ABCB11: variants seen among roughly 807,000 people sequenced by gnomAD.
The protein encoded by ABCB11 is bile salt export pump.
Under a neutral mutation model 148.0 loss-of-function variants are expected in ABCB11, and 95 were observed. The ratio of observed to expected loss-of-function variants is 0.64; its 90% CI spans 0.54 to 0.76. The LOEUF is 0.76. Ranked by LOEUF, ABCB11 falls within the 30% of genes least tolerant of loss-of-function variation. The pLI is 0.00. For missense variants in ABCB11, 1,523 were observed against 1,617.8 expected, an observed-to-expected ratio of 0.94 and a Z score of 1.01; for synonymous variants, 591 against 555.4, an observed-to-expected ratio of 1.06 and a Z score of -0.90.
chr2:168,990,473 T>C (rs915393896), intron 9 of ABCB11, among the ~76,000 whole-genome samples: 1 of 152,124 alleles, frequency 6.6e-6, no homozygotes, highest in Non-Finnish European at 1.5e-5. Context: ...GGCTTTTCTT[T>C]AATGACAGCA....
intron 11 of ABCB11, among the ~76,000 whole-genome samples, chr2:168,978,258 A>G (rs945415029): frequency 6.9e-6 from 1 of 144,748 alleles, no homozygotes; most frequent in Admixed American, 7.3e-5. Flanking sequence ...CCATCCTCCC[A>G]TATCAGCCTC....
intron 19 of ABCB11, among the ~76,000 whole-genome samples, chr2:168,947,122 C>G (rs1692357485): frequency 6.6e-6 from 1 of 151,770 alleles, no homozygotes; most frequent in Non-Finnish European, 1.5e-5. Flanking sequence ...AAGGAGAAAA[C>G]TAACATTCAT....
Position 168,973,747 on chromosome 2 carries a change from T to G in ABCB11, c.1402A>C (p.Ile468Leu), listed in dbSNP as rs752318046. The G allele has an allele frequency of 1.1e-5, 17 of 1,612,104 alleles. No homozygotes were observed. In the Admixed American group the frequency reaches 2.2e-4, roughly 21 times the overall value. Residue 468 changes from isoleucine to leucine, a missense_variant, in exon 13 of 28, where the codon ATT (isoleucine) becomes CTT (leucine). Transcript: ENST00000650372. ...TCACAGGGGTCATAGAATCGCTGAATGAGTTGCAGTGCTGTACTTTTTCCA... is the reference window on the plus strand; with the variant it reads ...TCACAGGGGTCATAGAATCGCTGAAGGAGTTGCAGTGCTGTACTTTTTCCA... ...GAGKSTALQLIQRFYDPCEGM... is the reference protein window; with the variant it reads ...GAGKSTALQLLQRFYDPCEGM...
intron 1 of ABCB11, among the ~76,000 whole-genome samples, chr2:169,025,717 T>C (rs1256057885): frequency 1.3e-5 from 2 of 152,224 alleles, no homozygotes; most frequent in African/African-American, 2.4e-5. Flanking sequence ...AAAAGTTACA[T>C]TCTAAAAGGC....
At chr2:168,976,362 C>G (rs948260004) in intron 12 of ABCB11, among the ~76,000 whole-genome samples, 1 of 152,062 alleles carries the variant, frequency 6.6e-6, no homozygotes, top group Non-Finnish European at 1.5e-5. Context: ...AGACTGTGTC[C>G]CAACCAGGGG....
chr2:169,021,802 G>A (rs1228632331), intron 1 of ABCB11, among the ~76,000 whole-genome samples: 1 of 151,862 alleles, frequency 6.6e-6, no homozygotes, highest in Non-Finnish European at 1.5e-5. Flanking sequence ...CATTACTATG[G>A]AACCTGCAAC....
In ABCB11 at chr2:169,018,200, T is replaced by A. The variant is rs1310945196; in HGVS notation, c.-27-48A>T. 14 of 1,522,298 alleles carry A rather than the reference T, an allele frequency of 9.2e-6. 1 individual carries two copies. The highest frequency in any genetic ancestry group is 5.5e-5 in the African/African-American group (4 of 72,458). The allele number at this position is 1,522,298 out of a possible 1,614,324, so 94.3% of individuals were successfully genotyped here. On this transcript the variant is annotated intron_variant, in intron 1 of 27. Transcript: ENST00000650372. Reference sequence around the variant, plus strand: ...CATTGCAATTATTATCTCTTCTTTCTTCTTTAATCAAAGTAGCCAAACGAA... The same window carrying A: ...CATTGCAATTATTATCTCTTCTTTCATCTTTAATCAAAGTAGCCAAACGAA...
At chr2:169,001,131 A>G (rs1394032406) in intron 5 of ABCB11, among the ~76,000 whole-genome samples, 1 of 152,168 alleles carries the variant, frequency 6.6e-6, no homozygotes, top group Non-Finnish European at 1.5e-5. Context: ...TTCGTTAATA[A>G]GTGTCTTATC....
chr2:168,969,571 A>G lies in ABCB11; in HGVS notation c.1810-20T>C. The G allele has an allele frequency of 1.3e-6, 2 of 1,598,704 alleles. No individual in the cohort carries two copies. The highest frequency in any genetic ancestry group is 1.7e-6 in the Non-Finnish European group (2 of 1,167,814). On this transcript the variant is annotated intron_variant, in intron 15 of 27. Coordinates refer to ENST00000650372, the MANE Select transcript of ABCB11 (RefSeq NM_003742.4). ...CTGAATCTGTAAGAATGTACAGTGC[A>G]CCATTAAACAAAACTGTGAGACAGA... is the stretch of plus-strand genomic sequence containing the variant.
intron 19 of ABCB11, among the ~76,000 whole-genome samples, chr2:168,946,075 A>G (rs1692291058): frequency 6.6e-6 from 1 of 151,908 alleles, no homozygotes; most frequent in Non-Finnish European, 1.5e-5. Flanking sequence ...AATAAGAAAA[A>G]TGAAAGAACA....
intron 18 of ABCB11, among the ~76,000 whole-genome samples, chr2:168,963,656 G>A (rs896602468): frequency 3.3e-5 from 5 of 151,744 alleles, no homozygotes; most frequent in Non-Finnish European, 7.4e-5. Context: ...TATTTTAAAT[G>A]TATCTTAAAA....
At chr2:168,989,986 T>C (rs764168948) in intron 9 of ABCB11, among the ~76,000 whole-genome samples, 4 of 152,184 alleles carry the variant, frequency 2.6e-5, no homozygotes, top group Non-Finnish European at 5.9e-5. Flanking sequence ...ATGATTCTTT[T>C]AATGTGCTAT....
chr2:168,978,986 T>C (rs1574461392), intron 11 of ABCB11, among the ~76,000 whole-genome samples: 1 of 152,036 alleles, frequency 6.6e-6, no homozygotes, highest in Non-Finnish European at 1.5e-5. Context: ...TCCCAAAGTA[T>C]TGGGATTACA....
intron 8 of ABCB11, among the ~76,000 whole-genome samples, chr2:168,991,713 G>A (rs1007036102): frequency 1.3e-5 from 2 of 151,788 alleles, no homozygotes; most frequent in Non-Finnish European, 2.9e-5. Context: ...AATCTTAGAT[G>A]GAATTCTAAG....
intron 27 of ABCB11, 64 bp downstream of exon 27, chr2:168,924,593 G>T: frequency 6.5e-7 from 1 of 1,531,946 alleles, no homozygotes; most frequent in East Asian, 2.3e-5. Context: ...ATTTTATTAA[G>T]GACAAATTTT....
At chr2:168,924,246 G>A (rs186564252) in intron 27 of ABCB11, among the ~76,000 whole-genome samples, 3 of 152,040 alleles carry the variant, frequency 2.0e-5, no homozygotes, top group African/African-American at 7.3e-5. Flanking sequence ...ATTGTGTTTT[G>A]CTCAATTGCA....
At chr2:168,969,816 G>C (rs1030773711) in intron 15 of ABCB11, among the ~76,000 whole-genome samples, 3 of 151,994 alleles carry the variant, frequency 2.0e-5, no homozygotes, top group African/African-American at 7.2e-5. Context: ...GTCTTAACAA[G>C]ATTTAAACTT....
chr2:168,923,509 T>C lies in ABCB11; in HGVS notation c.*113A>G. Reference sequence around the variant, plus strand: ...GACTGTAAAAGTAAAATATTAACATTCTTCTTTAAAGAAAAAACAATCCCA... The same window carrying C: ...GACTGTAAAAGTAAAATATTAACATCCTTCTTTAAAGAAAAAACAATCCCA... On this transcript the variant is annotated 3_prime_UTR_variant, in exon 28 of 28. Transcript: ENST00000650372. 1.1e-6 allele frequency: 1 copy of C among 943,906 alleles called. No individual in the cohort carries two copies. The highest frequency in any genetic ancestry group is 1.6e-6 in the Non-Finnish European group (1 of 625,488). The allele number at this position is 943,906 out of a possible 1,614,324, so 58.5% of individuals were successfully genotyped here.
At chr2:168,959,399 G>A (rs1305974140) in intron 18 of ABCB11, among the ~76,000 whole-genome samples, 1 of 151,660 alleles carries the variant, frequency 6.6e-6, no homozygotes, top group African/African-American at 2.4e-5. Context: ...GAAAGCATGA[G>A]TGTAATAGGC....
Sources: allele counts gnomAD v4.1 joint callset (sites outside exome capture counted in the v4.1 genomes callset), GRCh38; gene constraint gnomAD v4.1.1; transcripts MANE v1.5; gene names NCBI Gene and HGNC (gene_info 2026-07-23, HGNC 2026-07-21).